Variants in SLFN12L observed in about 807,000 individuals in gnomAD.
The protein encoded by SLFN12L is schlafen family member 12-like.
In SLFN12L, 34 loss-of-function variants were observed where a neutral mutation model predicts 34.8. That is an observed-to-expected ratio of 0.98 (90% CI 0.74 to 1.30). The LOEUF (loss-of-function observed/expected upper bound fraction) is 1.30. Among genes scored for constraint, SLFN12L ranks in the 50% most tolerant of loss-of-function variants. The pLI, the probability that SLFN12L is intolerant of heterozygous loss-of-function variation, is 0.00. For missense variants in SLFN12L, 703 were observed against 696.2 expected (o/e 1.01, Z -0.11); for synonymous variants, 259 against 247.5 (o/e 1.05, Z -0.44).
At chr17:35,507,459 A>G (rs1337784599) in intron 2 of SLFN12L, among the ~76,000 whole-genome samples, 5 of 152,216 alleles carry the variant, frequency 3.3e-5, no homozygotes, top group Admixed American at 3.3e-4. Flanking sequence ...CTATCTATCA[A>G]AATAGATTGG....
chr17:35,481,278 ACT>A (rs1914326574), intron 2 of SLFN12L, among the ~76,000 whole-genome samples: 1 of 151,804 alleles, frequency 6.6e-6, no homozygotes, highest in African/African-American at 2.4e-5. Context: ...GTTAGAGAAG[ACT>A]CTGCTCCACC....
intron 2 of SLFN12L, among the ~76,000 whole-genome samples, chr17:35,489,005 A>C (rs1914725495): frequency 6.6e-6 from 1 of 152,070 alleles, no homozygotes; most frequent in Admixed American, 6.5e-5. Flanking sequence ...GGGAGGCGGA[A>C]GTTGCAGTGA....
At chr17:35,509,854 C>T (rs1170656844) in intron 2 of SLFN12L, among the ~76,000 whole-genome samples, 4 of 151,990 alleles carry the variant, frequency 2.6e-5, no homozygotes, top group East Asian at 1.9e-4. Context: ...CCTGCCACCA[C>T]GCCTGGCTAA....
intron 2 of SLFN12L, among the ~76,000 whole-genome samples, chr17:35,511,584 T>TACACACACAC (rs58683369): frequency 7.5e-4 from 111 of 148,426 alleles, no homozygotes; most frequent in African/African-American, 2.8e-3. Context: ...CACACACACA[T>TACACACACAC]ACACACACAC....
At position 35,490,070 on chromosome 17, in the gene SLFN12L, G is replaced by T. The variant is rs111787539; in HGVS notation, c.87-9875C>A. 2.4e-4 allele frequency: 390 copies of T among 1,606,292 alleles called. No homozygotes were observed. In the African/African-American group the frequency reaches 4.6e-3, roughly 19 times the overall value. On this transcript the variant is annotated intron_variant, in intron 2 of 4. Transcript: ENST00000628453. The stretch of plus-strand genomic sequence containing the variant: ...TTCCCTCTCCCTCCAAAGCGGCGCC[G>T]TAGCCACCGGCCCCCTCCTCCCCAG...
rs573455060 is a variant in SLFN12L, at chr17:35,468,326, C to A, written c.*6597G>T. On this transcript the variant is annotated 3_prime_UTR_variant, in exon 5 of 5. Coordinates refer to ENST00000628453, the MANE Select transcript of SLFN12L (RefSeq NM_001363830.2). ...GGCAAATGCTAAGACCCACATCAACCTGAGTCTGTATTTACTTAAAAGAAA... is the reference window on the plus strand; with the variant it reads ...GGCAAATGCTAAGACCCACATCAACATGAGTCTGTATTTACTTAAAAGAAA... 6.6e-6 allele frequency among the ~76,000 whole-genome samples: 1 copy of A among 152,298 alleles called. No individual in the cohort carries two copies.
intron 2 of SLFN12L, chr17:35,498,940 T>C: frequency 2.8e-6 from 2 of 724,290 alleles, no homozygotes; most frequent in Non-Finnish European, 5.1e-6. Context: ...CTGGAGGTCT[T>C]ACAGGAGCGC....
At chr17:35,530,416 AGGAAGGAAGGAAG>A (rs1163933112) in intron 1 of SLFN12L, among the ~76,000 whole-genome samples, 351 of 12,082 alleles carry the variant, frequency 0.029, 46 homozygotes, top group African/African-American at 0.062. Flanking sequence ...GAAGGAAGGA[AGGAAGGAAGGAAG>A]GGAAGGGAAG....
In SLFN12L at chr17:35,510,833, C is replaced by CAAAA. The variant is rs34262146; in HGVS notation, c.86+11442_86+11445dup. ...ATGCCAAATAAAACTGAATTCACAGCAAAAAAAAAAAAAGAAGAGAAAGGA... is the reference window on the plus strand; with the variant it reads ...ATGCCAAATAAAACTGAATTCACAGCAAAAAAAAAAAAAAAAAGAAGAGAAAGGA... On this transcript the variant is annotated intron_variant, in intron 2 of 4. Coordinates refer to ENST00000628453, the MANE Select transcript of SLFN12L (RefSeq NM_001363830.2). Among the ~76,000 whole-genome samples the CAAAA allele has an allele frequency of 4.0e-3, 558 of 139,564 alleles. 1 individual carries two copies. Among genetic ancestry groups the CAAAA allele is most frequent in the Non-Finnish European group, 5.8e-3 (372 of 63,624 alleles). 91.6% of individuals were successfully genotyped at this position (139,564 alleles called of 152,430 possible).
At position 35,511,584 on chromosome 17, in the gene SLFN12L, TAC is replaced by T. The variant is rs58683369; in HGVS notation, c.86+10693_86+10694del. Among the ~76,000 whole-genome samples the T allele has an allele frequency of 5.6e-3, 831 of 148,390 alleles. 1 individual carries two copies. The highest frequency in any genetic ancestry group is 0.036 in the East Asian group (183 of 5,032). On this transcript the variant is annotated intron_variant, in intron 2 of 4. Coordinates refer to ENST00000628453, the MANE Select transcript of SLFN12L (RefSeq NM_001363830.2). ...GACCTCGTCTCTACACACACACACA[TAC>T]ACACACACACACACACACACACACA...
At chr17:35,531,873 G>T (rs2072414689) in intron 1 of SLFN12L, among the ~76,000 whole-genome samples, 1 of 151,962 alleles carries the variant, frequency 6.6e-6, no homozygotes, top group African/African-American at 2.4e-5. Context: ...GACCTCAGGT[G>T]ATCCACCCAC....
At chr17:35,479,013 G>T in intron 3 of SLFN12L, 104 bp downstream of exon 3, 1 of 859,768 alleles carries the variant, frequency 1.2e-6, no homozygotes, top group Non-Finnish European at 1.8e-6. Context: ...CAGAGATGTT[G>T]AAATTTGAAG....
chr17:35,490,591 G>C (rs1914798479), intron 2 of SLFN12L: 2 of 821,696 alleles, frequency 2.4e-6, no homozygotes, highest in East Asian at 4.8e-5. Context: ...CCAGTGTCAA[G>C]GCCTGTCAAA....
chr17:35,489,070 AAAAAC>A (rs1181881224), intron 2 of SLFN12L, among the ~76,000 whole-genome samples: 1 of 151,822 alleles, frequency 6.6e-6, no homozygotes, highest in African/African-American at 2.4e-5. Context: ...ACTTTGCCTC[AAAAAC>A]AAAACAAAAC....
At chr17:35,521,120 G>A (rs1380941157) in intron 2 of SLFN12L, among the ~76,000 whole-genome samples, 2 of 152,130 alleles carry the variant, frequency 1.3e-5, no homozygotes, top group East Asian at 3.9e-4. Flanking sequence ...TCTACAAAGT[G>A]CCTGAACAGG....
intron 2 of SLFN12L, among the ~76,000 whole-genome samples, chr17:35,496,095 C>G (rs573145289): frequency 6.6e-6 from 1 of 151,984 alleles, no homozygotes; most frequent in Non-Finnish European, 1.5e-5. Context: ...TCACAGCAAG[C>G]AGGAGAGCAG....
chr17:35,506,451 C>T (rs1205413782), intron 2 of SLFN12L, among the ~76,000 whole-genome samples: 1 of 152,148 alleles, frequency 6.6e-6, no homozygotes, highest in Non-Finnish European at 1.5e-5. Flanking sequence ...GTCAGTGTAA[C>T]CCCTTAGAAC....
intron 2 of SLFN12L, among the ~76,000 whole-genome samples, chr17:35,503,683 AT>A (rs1915375476): frequency 6.6e-6 from 1 of 152,208 alleles, no homozygotes; most frequent in African/African-American, 2.4e-5. Flanking sequence ...TCTTTAAAAA[AT>A]AATTACATAC....
At position 35,474,886 on chromosome 17, in the gene SLFN12L, G is replaced by A. The variant is rs571739200; in HGVS notation, c.*37C>T. The A allele has an allele frequency of 2.3e-4, 348 of 1,495,310 alleles. 2 individuals carry two copies. The highest frequency in any genetic ancestry group is 1.6e-3 in the Middle Eastern group (7 of 4,244). The allele number at this position is 1,495,310 out of a possible 1,614,324, so 92.6% of individuals were successfully genotyped here. A position where few individuals can be genotyped will look rare whatever the true frequency, so the allele number is the denominator to read the frequency against. On this transcript the variant is annotated 3_prime_UTR_variant, in exon 5 of 5. Coordinates refer to ENST00000628453, the MANE Select transcript of SLFN12L (RefSeq NM_001363830.2). ...GCAGAGGTTGCAGTGAGTCGAGATC[G>A]TGTCACTACACTCCAGTCTGGGTGA...
Sources: allele counts gnomAD v4.1 joint callset (sites outside exome capture counted in the v4.1 genomes callset), GRCh38; gene constraint gnomAD v4.1.1; transcripts MANE v1.5; gene names NCBI Gene and HGNC (gene_info 2026-07-23, HGNC 2026-07-21).